Variants in TPX2 observed in about 807,000 individuals in gnomAD.
TPX2 encodes the protein targeting protein for Xklp2.
Under a neutral mutation model 93.6 loss-of-function variants are expected in TPX2, and 21 were observed. That is an observed-to-expected ratio of 0.22 (90% CI 0.16 to 0.32). The LOEUF is 0.32. TPX2 is among the 10% of genes least tolerant of loss of function. The pLI is 1.00. For synonymous variants in TPX2, 281 were observed against 298.3 expected (o/e 0.94, Z 0.60); for missense variants, 776 against 871.1 (o/e 0.89, Z 1.37).
chr20:31,794,980 C>T (rs2123093844), intron 15 of TPX2, among the ~76,000 whole-genome samples: 1 of 152,008 alleles, frequency 6.6e-6, no homozygotes, highest in African/African-American at 2.4e-5. Flanking sequence ...ACCACCAAGC[C>T]TGGCTAATTT....
At chr20:31,788,736 G>C (rs1379355161) in intron 12 of TPX2, among the ~76,000 whole-genome samples, 2 of 152,198 alleles carry the variant, frequency 1.3e-5, no homozygotes, top group Admixed American at 1.3e-4. Flanking sequence ...CCTTGAGCAC[G>C]AGGGTGTGAA....
In TPX2 at chr20:31,794,382, C is replaced by G. The variant is rs757735334; in HGVS notation, c.1687-20C>G. 8 of 1,611,338 alleles carry G rather than the reference C, an allele frequency of 5.0e-6. No homozygotes were observed. The highest frequency in any genetic ancestry group is 5.9e-6 in the Non-Finnish European group (7 of 1,179,164). On this transcript the variant is annotated intron_variant, in intron 14 of 17. Coordinates refer to ENST00000300403, the MANE Select transcript of TPX2 (RefSeq NM_012112.5). ...TCCAGCTAGTCTTTATCTTAAACCT[C>G]ATGTTTTCTTTTCTGTTAGGTGCCC...
intron 5 of TPX2, among the ~76,000 whole-genome samples, chr20:31,767,389 G>C (rs1485046812): frequency 1.3e-5 from 2 of 149,620 alleles, no homozygotes; most frequent in Non-Finnish European, 3.0e-5. Flanking sequence ...TTTTTTCTTT[G>C]AGACAGGGTC....
intron 7 of TPX2, 76 bp downstream of exon 7, chr20:31,771,758 T>A: frequency 6.5e-7 from 1 of 1,529,374 alleles, no homozygotes. Flanking sequence ...ACCTGTTTGG[T>A]GTACCTGGAG....
At chr20:31,781,876 T>G (rs908731356) in intron 10 of TPX2, among the ~76,000 whole-genome samples, 5 of 151,570 alleles carry the variant, frequency 3.3e-5, no homozygotes, top group Non-Finnish European at 7.4e-5. Flanking sequence ...CCAGGGAGGT[T>G]GGATTTGTAG....
chr20:31,743,113 C>G (rs2061762999), intron 2 of TPX2, among the ~76,000 whole-genome samples: 1 of 152,154 alleles, frequency 6.6e-6, no homozygotes, highest in African/African-American at 2.4e-5. Context: ...ACTTGGGAGA[C>G]TGAGGCAGGA....
At chr20:31,743,235 C>T (rs992980498) in intron 2 of TPX2, among the ~76,000 whole-genome samples, 2 of 152,038 alleles carry the variant, frequency 1.3e-5, no homozygotes, top group African/African-American at 4.8e-5. Context: ...CTCAGATGCT[C>T]AAGCCCTGGT....
At chr20:31,768,105 C>T (rs1425299408) in intron 5 of TPX2, among the ~76,000 whole-genome samples, 1 of 151,150 alleles carries the variant, frequency 6.6e-6, no homozygotes, top group African/African-American at 2.4e-5. Flanking sequence ...AGCTAATTTT[C>T]GTATTTTTTG....
At chr20:31,744,247 C>T (rs1422880202) in intron 2 of TPX2, among the ~76,000 whole-genome samples, 1 of 145,356 alleles carries the variant, frequency 6.9e-6, no homozygotes, top group Non-Finnish European at 1.5e-5. Context: ...AATGCAACCT[C>T]CGCCTCCCAG....
chr20:31,777,524 A>G lies in TPX2; in HGVS notation c.768A>G (p.Lys256=). ...AGAAATCAGTGAGCCAGGTCACCAA[A>G]TCAGTTGACTTCCACTTCCGCACAG... ...PVKKSVSQVT[K]SVDFHFRTDE... Residue 256 remains lysine (K), a synonymous_variant, in exon 9 of 18, where the codon AAA becomes AAG. Coordinates refer to ENST00000300403, the MANE Select transcript of TPX2 (RefSeq NM_012112.5). 1 of 1,614,152 alleles carries G rather than the reference A, an allele frequency of 6.2e-7. No individual in the cohort carries two copies. Among genetic ancestry groups the G allele is most frequent in the Non-Finnish European group, 8.5e-7 (1 of 1,180,006 alleles).
At chr20:31,771,507 C>T (rs2061964096) in intron 6 of TPX2, 53 bp from the exon 7 acceptor site, 2 of 1,581,638 alleles carry the variant, frequency 1.3e-6, no homozygotes, top group African/African-American at 2.7e-5. Flanking sequence ...GAGGAGGGTA[C>T]AGGCTATGCT....
chr20:31,759,784 A>G (rs1185231396), intron 3 of TPX2, among the ~76,000 whole-genome samples: 1 of 152,136 alleles, frequency 6.6e-6, no homozygotes, highest in Admixed American at 6.6e-5. Flanking sequence ...ATGTGTACCA[A>G]ACAAAGATAA....
intron 2 of TPX2, among the ~76,000 whole-genome samples, chr20:31,753,258 C>G (rs1286231499): frequency 1.3e-5 from 2 of 152,192 alleles, no homozygotes; most frequent in African/African-American, 4.8e-5. Context: ...GAACATTGTG[C>G]TGAAGTCACG....
At chr20:31,739,721 A>G (rs2061743034) in intron 1 of TPX2, 100 bp downstream of exon 1, 5 of 152,222 alleles carry the variant, frequency 3.3e-5, no homozygotes, top group Admixed American at 3.3e-4. Flanking sequence ...TCGCCAAGCC[A>G]ATGTAGTTGG....
intron 11 of TPX2, among the ~76,000 whole-genome samples, chr20:31,782,937 C>T (rs59217556): frequency 6.7e-6 from 1 of 149,530 alleles, no homozygotes; most frequent in Non-Finnish European, 1.5e-5. Context: ...CACACAAAAT[C>T]TAATCCAGAG....
intron 2 of TPX2, among the ~76,000 whole-genome samples, chr20:31,750,094 T>C (rs960909959): frequency 6.7e-6 from 1 of 148,842 alleles, no homozygotes; most frequent in East Asian, 2.0e-4. Context: ...CATGCCACGA[T>C]GCCCAGCTAA....
intron 1 of TPX2, 81 bp downstream of exon 1, chr20:31,739,702 T>A (rs1267902615): frequency 6.6e-6 from 1 of 152,262 alleles, no homozygotes; most frequent in Admixed American, 6.5e-5. Context: ...CCGTTCTCAT[T>A]TAATTTCCTC....
intron 7 of TPX2, among the ~76,000 whole-genome samples, chr20:31,773,322 TTTA>T (rs1224276539): frequency 6.6e-6 from 1 of 151,972 alleles, no homozygotes; most frequent in Non-Finnish European, 1.5e-5. Flanking sequence ...TGGCTCATTT[TTTA>T]TTTTTAGTAG....
intron 2 of TPX2, among the ~76,000 whole-genome samples, chr20:31,754,379 CCCCTAGTCCATTTTGAATTG>C (rs1391099893): frequency 6.6e-6 from 1 of 152,192 alleles, no homozygotes. Context: ...CCACTCTCAG[CCCCTAGTCCATTTTGAATTG>C]CCCTAGTCCA....
Sources: allele counts gnomAD v4.1 joint callset (sites outside exome capture counted in the v4.1 genomes callset), GRCh38; gene constraint gnomAD v4.1.1; transcripts MANE v1.5; gene names NCBI Gene and HGNC (gene_info 2026-07-23, HGNC 2026-07-21).